ARHGAP15: variants seen among roughly 807,000 people sequenced by gnomAD.
ARHGAP15 encodes Rho GTPase activating protein 15.
ARHGAP15 carries 51 observed loss-of-function variants against 63.7 expected under a neutral mutation model. The observed-to-expected ratio is 0.80, with a 90% CI of 0.64 to 1.01. ARHGAP15 has a LOEUF of 1.01. Ranked by LOEUF, ARHGAP15 falls within the 50% of genes least tolerant of loss-of-function variation. ARHGAP15 has a pLI of 0.00. For synonymous variants in ARHGAP15, 191 were observed against 193.8 expected (o/e 0.99, Z 0.12); for missense variants, 560 against 564.6 (o/e 0.99, Z 0.08).
chr2:143,306,741 G>C (rs988351924), intron 6 of ARHGAP15, among the ~76,000 whole-genome samples: 1 of 152,084 alleles, frequency 6.6e-6, no homozygotes, highest in African/African-American at 2.4e-5. Flanking sequence ...GTTTTCCTCA[G>C]TGGGAGCAGC....
At chr2:143,515,555 AAG>A (rs1313154610) in intron 9 of ARHGAP15, among the ~76,000 whole-genome samples, 1 of 152,238 alleles carries the variant, frequency 6.6e-6, no homozygotes, top group African/African-American at 2.4e-5. Flanking sequence ...TTAAAAGAAA[AAG>A]AAAAAAGACT....
intron 12 of ARHGAP15, among the ~76,000 whole-genome samples, chr2:143,655,831 CAA>C (rs1029940367): frequency 7.0e-6 from 1 of 142,632 alleles, no homozygotes. Context: ...CAAGTGATGC[CAA>C]AAAAAAAAAG....
At chr2:143,668,721 C>CA (rs1418868697) in intron 12 of ARHGAP15, among the ~76,000 whole-genome samples, 1 of 152,178 alleles carries the variant, frequency 6.6e-6, no homozygotes, top group Non-Finnish European at 1.5e-5. Context: ...ACTTGTGGTT[C>CA]AAATCACTCT....
At chr2:143,286,996 G>A (rs1023315225) in intron 6 of ARHGAP15, among the ~76,000 whole-genome samples, 1 of 152,160 alleles carries the variant, frequency 6.6e-6, no homozygotes, top group Non-Finnish European at 1.5e-5. Flanking sequence ...ATATAGCCAG[G>A]TGGGTAGAGC....
chr2:143,652,690 T>C (rs977842237), intron 12 of ARHGAP15, among the ~76,000 whole-genome samples: 1 of 152,112 alleles, frequency 6.6e-6, no homozygotes, highest in African/African-American at 2.4e-5. Context: ...CTATTGTAAA[T>C]TGTATCCTTA....
At position 143,435,583 on chromosome 2, in the gene ARHGAP15, T is replaced by C. The variant is rs1233008601; in HGVS notation, c.475-18T>C. On this transcript the variant is annotated intron_variant, in intron 6 of 13. Transcript: ENST00000295095. ...TTCTTTACCTGTCTATTTCTTTTTC[T>C]TTTTTTTTTTTTTGCAGATCACAAC... 6.3e-6 allele frequency: 4 copies of C among 632,872 alleles called. No individual in the cohort carries two copies. The highest frequency in any genetic ancestry group is 7.9e-6 in the Non-Finnish European group (4 of 506,678). 39.2% of individuals were successfully genotyped at this position (632,872 alleles called of 1,614,324 possible).
chr2:143,763,467 T>C (rs1223782791), intron 13 of ARHGAP15, among the ~76,000 whole-genome samples: 4 of 152,112 alleles, frequency 2.6e-5, no homozygotes, highest in African/African-American at 7.2e-5. Flanking sequence ...ACATGAATTA[T>C]ATAGTTCAGT....
intron 6 of ARHGAP15, among the ~76,000 whole-genome samples, chr2:143,261,920 G>A (rs1468720066): frequency 6.6e-6 from 1 of 152,116 alleles, no homozygotes; most frequent in Non-Finnish European, 1.5e-5. Flanking sequence ...TAGACAAGAT[G>A]AAGCATTTGT....
At chr2:143,484,859 T>A (rs1692252518) in intron 8 of ARHGAP15, among the ~76,000 whole-genome samples, 1 of 152,216 alleles carries the variant, frequency 6.6e-6, no homozygotes, top group Non-Finnish European at 1.5e-5. Context: ...GCTAGTACAT[T>A]GGATAGCACA....
intron 12 of ARHGAP15, among the ~76,000 whole-genome samples, chr2:143,675,685 T>A (rs149128248): frequency 6.6e-6 from 1 of 152,206 alleles, no homozygotes; most frequent in South Asian, 2.1e-4. Flanking sequence ...TTCAACATTC[T>A]GTAAACCATG....
intron 12 of ARHGAP15, among the ~76,000 whole-genome samples, chr2:143,669,831 C>A (rs1050878621): frequency 3.3e-5 from 5 of 152,114 alleles, no homozygotes; most frequent in Non-Finnish European, 7.4e-5. Flanking sequence ...AGGGAGATGG[C>A]CACAGGGCTC....
At chr2:143,369,271 C>T (rs557568116) in intron 6 of ARHGAP15, among the ~76,000 whole-genome samples, 1 of 152,172 alleles carries the variant, frequency 6.6e-6, no homozygotes, top group South Asian at 2.1e-4. Context: ...ATTCACTGAT[C>T]ATATTTTATC....
At chr2:143,175,944 T>C (rs1690994173) in intron 2 of ARHGAP15, among the ~76,000 whole-genome samples, 1 of 152,190 alleles carries the variant, frequency 6.6e-6, no homozygotes, top group African/African-American at 2.4e-5. Flanking sequence ...AATAGTATAA[T>C]ATACATAATA....
At position 143,497,609 on chromosome 2, in the gene ARHGAP15, C is replaced by T. The variant is rs756777213; in HGVS notation, c.826+10114C>T. Among the ~76,000 whole-genome samples the T allele has an allele frequency of 8.6e-5, 13 of 152,008 alleles. No individual in the cohort carries two copies. The East Asian group carries it at 1.2e-3, about 14-fold the overall frequency. On this transcript the variant is annotated intron_variant, in intron 9 of 13. Transcript: ENST00000295095. ...GCTTTTCAGGGCCTCCATAGACCTA[C>T]GAACAGTATCCAAAGCCAGTGCTGG...
At chr2:143,507,830 A>G (rs1693392568) in intron 9 of ARHGAP15, among the ~76,000 whole-genome samples, 1 of 152,030 alleles carries the variant, frequency 6.6e-6, no homozygotes, top group African/African-American at 2.4e-5. Flanking sequence ...TCATCAGTAG[A>G]TCCCACCTTT....
intron 9 of ARHGAP15, among the ~76,000 whole-genome samples, chr2:143,509,707 C>A (rs1461294566): frequency 6.6e-6 from 1 of 151,988 alleles, no homozygotes; most frequent in Non-Finnish European, 1.5e-5. Context: ...ATGGTGGGAA[C>A]AGAACTGGAG....
chr2:143,476,867 G>C (rs1010731752), intron 8 of ARHGAP15, among the ~76,000 whole-genome samples: 1 of 152,176 alleles, frequency 6.6e-6, no homozygotes, highest in East Asian at 1.9e-4. Flanking sequence ...CATGCGATGA[G>C]CTTGGGTGTT....
intron 1 of ARHGAP15, among the ~76,000 whole-genome samples, chr2:143,153,022 A>AC (rs1689889375): frequency 6.6e-6 from 1 of 152,026 alleles, no homozygotes; most frequent in Non-Finnish European, 1.5e-5. Flanking sequence ...AAGGCTTTGT[A>AC]ATGAATCCAG....
chr2:143,284,029 C>G (rs1681977854), intron 6 of ARHGAP15, among the ~76,000 whole-genome samples: 1 of 152,120 alleles, frequency 6.6e-6, no homozygotes. Flanking sequence ...GCCCCCTTTT[C>G]AAAATAAACA....
Sources: gnomAD v4.1 joint callset for allele counts (sites outside exome capture counted in the v4.1 genomes callset) on GRCh38, gnomAD v4.1.1 for gene constraint, MANE v1.5 for transcripts, NCBI Gene and HGNC (gene_info 2026-07-23, HGNC 2026-07-21) for gene names.